The following DIAPH3 variants were observed in gnomAD, a reference collection of about 807,000 sequenced individuals.
DIAPH3 encodes protein diaphanous homolog 3.
DIAPH3 carries 117 observed loss-of-function variants against 144.3 expected under a neutral mutation model. The observed-to-expected ratio is 0.81, with a 90% CI of 0.70 to 0.95. The LOEUF is 0.95. Among genes scored for constraint, DIAPH3 ranks in the 40% least tolerant of loss-of-function variants. The probability of loss-of-function intolerance (pLI) is 0.00; values close to 1 mark genes in which losing one functional copy is unlikely to be tolerated. For missense variants in DIAPH3, 1,421 were observed against 1,412.7 expected (o/e 1.01, Z -0.09); for synonymous variants, 519 against 488.9 (o/e 1.06, Z -0.81).
At chr13:59,898,947 G>A (rs2140165071) in intron 20 of DIAPH3, among the ~76,000 whole-genome samples, 1 of 152,284 alleles carries the variant, frequency 6.6e-6, no homozygotes, top group East Asian at 1.9e-4. Context: ...TCAGCTGCTA[G>A]CATGGCTAGG....
chr13:59,736,830 G>C (rs1164024846), intron 27 of DIAPH3, among the ~76,000 whole-genome samples: 1 of 151,990 alleles, frequency 6.6e-6, no homozygotes, highest in Non-Finnish European at 1.5e-5. Flanking sequence ...GAAGCAACAG[G>C]ATAGAGAAAT....
At chr13:59,808,281 T>C (rs1478205690) in intron 25 of DIAPH3, among the ~76,000 whole-genome samples, 1 of 151,830 alleles carries the variant, frequency 6.6e-6, no homozygotes, top group Non-Finnish European at 1.5e-5. Context: ...CTTGTACAAA[T>C]CAATAAGAAA....
intron 24 of DIAPH3, among the ~76,000 whole-genome samples, chr13:59,831,106 T>C (rs1348697807): frequency 6.6e-6 from 1 of 151,904 alleles, no homozygotes; most frequent in Non-Finnish European, 1.5e-5. Context: ...AGCTTCTTTA[T>C]CTGCCATAGA....
In DIAPH3 at chr13:59,913,659, T is replaced by G. The variant is rs148169512; in HGVS notation, c.2266-1823A>C. Among the ~76,000 whole-genome samples, 19 of 152,304 alleles carry G rather than the reference T, an allele frequency of 1.2e-4. No homozygotes were observed. In the East Asian group the frequency reaches 3.5e-3, roughly 28 times the overall value. ...ATTCCAAGAAGGTCAAGTCTAATTC[T>G]TATTGAGCCTAATATACAGCCGGGC... On this transcript the variant is annotated intron_variant, in intron 19 of 27. Transcript: ENST00000400324.
chr13:60,117,406 A>G (rs1433381885), intron 2 of DIAPH3, among the ~76,000 whole-genome samples: 1 of 152,102 alleles, frequency 6.6e-6, no homozygotes, highest in African/African-American at 2.4e-5. Context: ...AGAAAGAATA[A>G]AAGAAAAAAA....
chr13:59,921,291 G>GA (rs1229185261), intron 18 of DIAPH3, among the ~76,000 whole-genome samples: 2 of 141,992 alleles, frequency 1.4e-5, no homozygotes, highest in Non-Finnish European at 3.1e-5. Flanking sequence ...AAAAAAGAAA[G>GA]AAAAAACAAC....
rs188374726 is a variant in DIAPH3 at position 60,137,602 on chromosome 13, A to G, written c.181-4613T>C. ...GGCCAATGGAGCAAAGGATCTGTCCATTGATATCATTAGGAACATGACAGC... is the reference window on the plus strand; with the variant it reads ...GGCCAATGGAGCAAAGGATCTGTCCGTTGATATCATTAGGAACATGACAGC... On this transcript the variant is annotated intron_variant, in intron 1 of 27. Transcript: ENST00000400324. Among the ~76,000 whole-genome samples the G allele has an allele frequency of 2.0e-3, 300 of 152,286 alleles. 2 individuals carry two copies. The highest frequency in any genetic ancestry group is 2.3e-3 in the East Asian group (12 of 5,180).
At chr13:60,079,504 G>T (rs2057478871) in intron 4 of DIAPH3, among the ~76,000 whole-genome samples, 1 of 151,932 alleles carries the variant, frequency 6.6e-6, no homozygotes, top group Non-Finnish European at 1.5e-5. Flanking sequence ...TAAAAATTAG[G>T]TATAGGTTTA....
chr13:59,830,231 T>C (rs2041701312), intron 24 of DIAPH3, among the ~76,000 whole-genome samples: 1 of 151,754 alleles, frequency 6.6e-6, no homozygotes, highest in African/African-American at 2.4e-5. Context: ...TTGCCAATAT[T>C]GCTACTCTGG....
chr13:60,008,447 G>C (rs2053031728), intron 9 of DIAPH3, 97 bp downstream of exon 9: 1 of 756,404 alleles, frequency 1.3e-6, no homozygotes, highest in Admixed American at 2.4e-5. Context: ...AAGGCATGCA[G>C]AGCTTCATAA....
intron 4 of DIAPH3, among the ~76,000 whole-genome samples, chr13:60,072,238 C>T (rs746669664): frequency 7.2e-5 from 11 of 152,204 alleles, no homozygotes; most frequent in Admixed American, 1.3e-4. Context: ...TAGACTATCT[C>T]ATCTAATTCT....
chr13:59,879,431 G>T lies in DIAPH3; in HGVS notation c.2405C>A (p.Ala802Asp). The change falls in exon 21 of 28, where the codon GCT becomes GAT. Residue 802 changes from alanine to aspartate, a missense_variant. Ala to Asp is a moderately radical substitution (Grantham distance 126). Coordinates refer to ENST00000400324, the MANE Select transcript of DIAPH3 (RefSeq NM_001042517.2). ...NVKRLRPRLS[A>D]ILFKLQFEEQ... is the part of the protein sequence containing the mutation. ...TTCAAACTGAAGCTTAAAGAGAATA[G>T]CACTGAGCCGTGGCCGTAGTCTCTT... 6.2e-7 allele frequency: 1 copy of T among 1,613,788 alleles called. No individual in the cohort carries two copies. The highest frequency in any genetic ancestry group is 8.5e-7 in the Non-Finnish European group (1 of 1,179,806).
intron 4 of DIAPH3, among the ~76,000 whole-genome samples, chr13:60,048,957 A>G (rs1338582986): frequency 3.9e-5 from 6 of 152,218 alleles, no homozygotes; most frequent in South Asian, 2.1e-4. Flanking sequence ...GTTAAGCAGG[A>G]GGAAAAAAAT....
At chr13:59,838,095 A>G (rs1241021971) in intron 23 of DIAPH3, 1 of 152,146 alleles carries the variant, frequency 6.6e-6, no homozygotes, top group African/African-American at 2.4e-5. Flanking sequence ...TCAGTTTAAG[A>G]TATTAGGAGT....
intron 17 of DIAPH3, among the ~76,000 whole-genome samples, chr13:59,957,157 A>C (rs1415549990): frequency 6.6e-6 from 1 of 152,112 alleles, no homozygotes. Context: ...TGTTGGGAAG[A>C]CATGATTGGT....
intron 22 of DIAPH3, among the ~76,000 whole-genome samples, chr13:59,859,044 A>C (rs955899263): frequency 6.6e-6 from 1 of 152,174 alleles, no homozygotes; most frequent in Non-Finnish European, 1.5e-5. Flanking sequence ...ATGATATATA[A>C]CACGTGTATA....
At chr13:59,749,073 G>C (rs1045546905) in intron 27 of DIAPH3, among the ~76,000 whole-genome samples, 2 of 151,802 alleles carry the variant, frequency 1.3e-5, no homozygotes, top group African/African-American at 2.4e-5. Context: ...AGTTAGCCAG[G>C]TGTGGTGGCA....
At position 59,691,204 on chromosome 13, in the gene DIAPH3, T is replaced by C. The variant is rs80163902; in HGVS notation, c.3320-24358A>G. 3.9e-5 allele frequency among the ~76,000 whole-genome samples: 6 copies of C among 152,256 alleles called. No homozygotes were observed. The East Asian group carries it at 1.2e-3, about 29-fold the overall frequency. ...TTTAGTCATTAAAAATTTAAGTAAT[T>C]TCTTATCTTATCTTTTTGGATTTTC... On this transcript the variant is annotated intron_variant, in intron 27 of 27. Coordinates refer to ENST00000400324, the MANE Select transcript of DIAPH3 (RefSeq NM_001042517.2).
intron 27 of DIAPH3, among the ~76,000 whole-genome samples, chr13:59,685,001 C>T (rs1431344378): frequency 6.6e-6 from 1 of 152,006 alleles, no homozygotes; most frequent in Non-Finnish European, 1.5e-5. Context: ...AATTACAGCT[C>T]TTTGTCATTA....
Sources: allele counts gnomAD v4.1 joint callset (sites outside exome capture counted in the v4.1 genomes callset), GRCh38; gene constraint gnomAD v4.1.1; transcripts MANE v1.5; gene names NCBI Gene and HGNC (gene_info 2026-07-23, HGNC 2026-07-21).